Variants in RCSD1 observed in about 807,000 individuals in gnomAD.
RCSD1 encodes the protein RCSD domain containing 1.
RCSD1 carries 26 observed loss-of-function variants against 42.5 expected under a neutral mutation model. The observed-to-expected ratio is 0.61, with a 90% CI of 0.45 to 0.85. The LOEUF (loss-of-function observed/expected upper bound fraction) is 0.85. Among genes scored for constraint, RCSD1 ranks in the 40% least tolerant of loss-of-function variants. The probability of loss-of-function intolerance (pLI) is 0.00; values close to 1 mark genes in which losing one functional copy is unlikely to be tolerated. For missense variants in RCSD1, 571 were observed against 528.3 expected (o/e 1.08, Z -0.79); for synonymous variants, 220 against 212.2 (o/e 1.04, Z -0.32).
chr1:167,692,132 T>G (rs1480524547), intron 4 of RCSD1, among the ~76,000 whole-genome samples: 1 of 152,198 alleles, frequency 6.6e-6, no homozygotes, highest in Non-Finnish European at 1.5e-5. Context: ...TTCAATCTCA[T>G]TAAGATTGTC....
intron 1 of RCSD1, among the ~76,000 whole-genome samples, chr1:167,672,772 C>T (rs760516379): frequency 3.9e-5 from 6 of 152,172 alleles, no homozygotes; most frequent in Non-Finnish European, 8.8e-5. Context: ...ATGAGGACAT[C>T]TTTGAGGGCC....
In RCSD1 at chr1:167,698,142, C is replaced by A. The variant is rs149065204; in HGVS notation, c.1218+300C>A. 3.2e-4 allele frequency among the ~76,000 whole-genome samples: 48 copies of A among 152,274 alleles called. No individual in the cohort carries two copies. In the East Asian group the frequency reaches 5.8e-3, roughly 18 times the overall value. On this transcript the variant is annotated intron_variant, in intron 6 of 6. Transcript: ENST00000367854. ...CCTCGGCACGGCTCAGTAACTGAGGCCTGCAAGCATCTATGGAAGCCTGCT... is the reference window on the plus strand; with the variant it reads ...CCTCGGCACGGCTCAGTAACTGAGGACTGCAAGCATCTATGGAAGCCTGCT...
chr1:167,667,603 C>A (rs1317766668), intron 1 of RCSD1, among the ~76,000 whole-genome samples: 2 of 152,170 alleles, frequency 1.3e-5, no homozygotes, highest in African/African-American at 4.8e-5. Flanking sequence ...TAATAGATTT[C>A]ATAGCTCCAG....
At chr1:167,665,622 A>G (rs1385988215) in intron 1 of RCSD1, among the ~76,000 whole-genome samples, 5 of 152,166 alleles carry the variant, frequency 3.3e-5, no homozygotes, top group Non-Finnish European at 7.4e-5. Flanking sequence ...CTTCACCGTC[A>G]TTTGGTATTG....
intron 1 of RCSD1, among the ~76,000 whole-genome samples, chr1:167,631,297 A>G (rs191815743): frequency 5.8e-4 from 88 of 152,204 alleles, no homozygotes; most frequent in Non-Finnish European, 1.1e-3. Flanking sequence ...TGTAGCCCTA[A>G]GTCAATCTTA....
At chr1:167,668,517 G>A (rs1394227610) in intron 1 of RCSD1, among the ~76,000 whole-genome samples, 1 of 152,034 alleles carries the variant, frequency 6.6e-6, no homozygotes, top group African/African-American at 2.4e-5. Flanking sequence ...CTTGTCACCT[G>A]CTCTCCTAAA....
At chr1:167,662,539 C>G (rs943219512) in intron 1 of RCSD1, among the ~76,000 whole-genome samples, 1 of 152,150 alleles carries the variant, frequency 6.6e-6, no homozygotes, top group African/African-American at 2.4e-5. Context: ...ATCCACTTTC[C>G]TCTATAATTG....
At chr1:167,648,634 C>T (rs1024896876) in intron 1 of RCSD1, among the ~76,000 whole-genome samples, 1 of 152,212 alleles carries the variant, frequency 6.6e-6, no homozygotes, top group African/African-American at 2.4e-5. Flanking sequence ...GGAAATGAAG[C>T]AATCATATGG....
chr1:167,693,346 C>T (rs1189466857), intron 4 of RCSD1, among the ~76,000 whole-genome samples: 2 of 152,250 alleles, frequency 1.3e-5, no homozygotes, highest in African/African-American at 4.8e-5. Flanking sequence ...CACCTGCCTC[C>T]TCCCCAACCA....
intron 1 of RCSD1, among the ~76,000 whole-genome samples, chr1:167,674,401 T>C (rs1054989902): frequency 2.0e-4 from 31 of 152,200 alleles, no homozygotes; most frequent in African/African-American, 7.5e-4. Context: ...TTTCCCTCCA[T>C]TGGCCCCTCC....
intron 1 of RCSD1, among the ~76,000 whole-genome samples, chr1:167,637,482 G>C (rs1022394446): frequency 6.6e-6 from 1 of 152,188 alleles, no homozygotes; most frequent in African/African-American, 2.4e-5. Flanking sequence ...CTAGCTTCCT[G>C]TGCTGGGGAT....
intron 1 of RCSD1, among the ~76,000 whole-genome samples, chr1:167,672,915 C>G (rs761990150): frequency 7.9e-5 from 12 of 152,140 alleles, no homozygotes; most frequent in Non-Finnish European, 1.6e-4. Context: ...ATGTCTCATC[C>G]AGGGTGCTTT....
Position 167,684,477 on chromosome 1 carries a change from C to T in RCSD1, c.108+476C>T, listed in dbSNP as rs1659171937. Reference sequence around the variant, plus strand: ...GAAACCAGGGATCAGGAAGGAAGAGCGTCCGGTGACCAGTAGAGGAAAGTG... The same window carrying T: ...GAAACCAGGGATCAGGAAGGAAGAGTGTCCGGTGACCAGTAGAGGAAAGTG... On this transcript the variant is annotated intron_variant, in intron 2 of 6. Coordinates refer to ENST00000367854, the MANE Select transcript of RCSD1 (RefSeq NM_052862.4). Among the ~76,000 whole-genome samples the T allele has an allele frequency of 1.3e-5, 2 of 152,236 alleles. 1 individual carries two copies. The highest frequency in any genetic ancestry group is 4.1e-4 in the South Asian group (2 of 4,824).
At chr1:167,668,629 C>G in intron 1 of RCSD1, among the ~76,000 whole-genome samples, 1 of 152,118 alleles carries the variant, frequency 6.6e-6, no homozygotes, top group South Asian at 2.1e-4. Context: ...ACTGTAACCT[C>G]CATTATGAAA....
intron 3 of RCSD1, 79 bp from the exon 4 acceptor site, chr1:167,689,968 GCC>G: frequency 1.5e-6 from 2 of 1,336,794 alleles, no homozygotes; most frequent in East Asian, 4.6e-5. Flanking sequence ...TTCTCCTTCT[GCC>G]TGTGGCTTTT....
In RCSD1 at chr1:167,639,483, GT is replaced by G. The variant is rs993817659; in HGVS notation, c.6+9064del. ...GAGAAGAACCATTTTCATTCTCATT[GT>G]TTTTTTTTTCTTTGTTTGTTTGTTT... is the stretch of plus-strand genomic sequence containing the variant. On this transcript the variant is annotated intron_variant, in intron 1 of 6. Coordinates refer to ENST00000367854, the MANE Select transcript of RCSD1 (RefSeq NM_052862.4). 1.7e-4 allele frequency among the ~76,000 whole-genome samples: 26 copies of G among 148,992 alleles called. No individual in the cohort carries two copies. The East Asian group carries it at 2.0e-3, about 11-fold the overall frequency.
At chr1:167,687,866 C>G (rs986821275) in intron 3 of RCSD1, among the ~76,000 whole-genome samples, 2 of 152,240 alleles carry the variant, frequency 1.3e-5, no homozygotes, top group African/African-American at 4.8e-5. Context: ...TCTGGAAGAA[C>G]CAGCTGAAGT....
At chr1:167,668,642 ACT>A (rs1468106502) in intron 1 of RCSD1, among the ~76,000 whole-genome samples, 1 of 151,740 alleles carries the variant, frequency 6.6e-6, no homozygotes, top group African/African-American at 2.4e-5. Flanking sequence ...TTATGAAAGG[ACT>A]CTTTTGATTT....
chr1:167,675,030 C>T lies in RCSD1; in HGVS notation c.7-8870C>T, dbSNP rs573914796. Among the ~76,000 whole-genome samples the T allele has an allele frequency of 4.6e-5, 7 of 151,928 alleles. No individual in the cohort carries two copies. In the South Asian group the frequency reaches 1.5e-3, roughly 32 times the overall value. On this transcript the variant is annotated intron_variant, in intron 1 of 6. Coordinates refer to ENST00000367854, the MANE Select transcript of RCSD1 (RefSeq NM_052862.4). Reference sequence around the variant, plus strand: ...GACCATCCTGGCTAACACAGTGAAACCCCATCTCTACTAAAAATACAAAAA... The same window carrying T: ...GACCATCCTGGCTAACACAGTGAAATCCCATCTCTACTAAAAATACAAAAA...
Sources: allele counts gnomAD v4.1 joint callset (sites outside exome capture counted in the v4.1 genomes callset), GRCh38; gene constraint gnomAD v4.1.1; transcripts MANE v1.5; gene names NCBI Gene and HGNC (gene_info 2026-07-23, HGNC 2026-07-21).